Variants in ZNF257 observed in about 807,000 individuals in gnomAD.
The protein encoded by ZNF257 is zinc finger protein 257.
ZNF257 carries 12 observed loss-of-function variants against 11.9 expected under a neutral mutation model. That is an observed-to-expected ratio of 1.01 (90% CI 0.65 to 1.63). The LOEUF (loss-of-function observed/expected upper bound fraction) is 1.63. ZNF257 is among the 40% of genes most tolerant of loss of function. The pLI is 0.00. For missense variants in ZNF257, 580 were observed against 665.5 expected, an observed-to-expected ratio of 0.87 and a Z score of 1.41; for synonymous variants, 183 against 222.7, an observed-to-expected ratio of 0.82 and a Z score of 1.59.
chr19:22,060,652 A>AT (rs2021773795), intron 1 of ZNF257: 1 of 151,702 alleles, frequency 6.6e-6, no homozygotes, highest in East Asian at 1.9e-4. Context: ...CGCCCGGCTA[A>AT]TTTTTGTATT....
chr19:22,058,608 T>G (rs1028664061), intron 1 of ZNF257, among the ~76,000 whole-genome samples: 17 of 152,168 alleles, frequency 1.1e-4, no homozygotes, highest in African/African-American at 3.9e-4. Flanking sequence ...ACAGATTTGG[T>G]GCCAGAAGAA....
rs1236156383 is a variant in ZNF257, at chr19:22,072,911, A to G, written c.106A>G (p.Asn36Asp). Reference protein sequence around the residue: ...QNLYRDVMLENYRNLVFLGIA... With the variant: ...QNLYRDVMLEDYRNLVFLGIA... ...TTTATATAGGGATGTGATGTTAGAG[A>G]ACTACAGAAACCTGGTCTTCCTGGG... The change falls in exon 2 of 4, where the codon AAC (asparagine) becomes GAC (aspartate). Residue 36 changes from asparagine (N) to aspartate (D), a missense_variant. Coordinates refer to ENST00000594947, the MANE Select transcript of ZNF257 (RefSeq NM_033468.4). The G allele has an allele frequency of 1.2e-6, 2 of 1,613,058 alleles. No individual in the cohort carries two copies. The highest frequency in any genetic ancestry group is 1.7e-6 in the Non-Finnish European group (2 of 1,179,532).
chr19:22,065,063 A>C (rs913255259), intron 1 of ZNF257, among the ~76,000 whole-genome samples: 7 of 152,152 alleles, frequency 4.6e-5, no homozygotes, highest in Admixed American at 1.3e-4. Context: ...CAAAAAAAAA[A>C]AAAAGTATTT....
intron 1 of ZNF257, among the ~76,000 whole-genome samples, chr19:22,055,205 T>C (rs2021597231): frequency 6.6e-6 from 1 of 151,762 alleles, no homozygotes; most frequent in Non-Finnish European, 1.5e-5. Flanking sequence ...AAAGAAAAAA[T>C]AGTATTTTTT....
chr19:22,057,811 G>A (rs1176775912), intron 1 of ZNF257, among the ~76,000 whole-genome samples: 2 of 152,208 alleles, frequency 1.3e-5, no homozygotes, highest in African/African-American at 4.8e-5. Flanking sequence ...CCAGGCTGGA[G>A]TGCAATGGTG....
chr19:22,090,418 A>C lies in ZNF257; in HGVS notation c.*976A>C, dbSNP rs562822921. The C allele has an allele frequency of 6.6e-6, 1 of 152,278 alleles. No homozygotes were observed. The highest frequency in any genetic ancestry group is 6.5e-5 in the Admixed American group (1 of 15,294). 9.4% of individuals were successfully genotyped at this position (152,278 alleles called of 1,614,324 possible). ...GGAGAAGAATTCAGCAAGTGTGATT[A>C]ATTTGGAAAAACATTTTTTCCATAA... On this transcript the variant is annotated 3_prime_UTR_variant, in exon 4 of 4. Coordinates refer to ENST00000594947, the MANE Select transcript of ZNF257 (RefSeq NM_033468.4).
intron 1 of ZNF257, among the ~76,000 whole-genome samples, chr19:22,060,294 C>T (rs1405673458): frequency 6.6e-6 from 1 of 152,206 alleles, no homozygotes; most frequent in Non-Finnish European, 1.5e-5. Context: ...ATTCCTTTTA[C>T]AACCTTATCA....
chr19:22,088,917 A>G lies in ZNF257; in HGVS notation c.1167A>G (p.Lys389=). ...TTAACCGGTCTTCACACCTTACTAA[A>G]CATAAGAGAATTCATACTAGAGAGA... is the stretch of plus-strand genomic sequence containing the variant. ...KAFNRSSHLT[K]HKRIHTREKA... is the part of the protein sequence containing the mutation. Residue 389 remains lysine (K), a synonymous_variant, in exon 4 of 4, where the codon AAA becomes AAG. Coordinates refer to ENST00000594947, the MANE Select transcript of ZNF257 (RefSeq NM_033468.4). 6.2e-7 allele frequency: 1 copy of G among 1,612,724 alleles called. No homozygotes were observed.
At chr19:22,062,937 A>C (rs965194705) in intron 1 of ZNF257, among the ~76,000 whole-genome samples, 6 of 152,118 alleles carry the variant, frequency 3.9e-5, no homozygotes, top group African/African-American at 1.4e-4. Context: ...CTCTTTGTTC[A>C]TCTTAAAGAT....
chr19:22,053,110 C>G (rs1009214684), intron 1 of ZNF257, among the ~76,000 whole-genome samples: 1 of 152,140 alleles, frequency 6.6e-6, no homozygotes, highest in Non-Finnish European at 1.5e-5. Flanking sequence ...GTGGCACACG[C>G]CTGTAATCCC....
rs971585912 is a variant in ZNF257 at position 22,052,563 on chromosome 19, T to G, written c.-70T>G. ...CCTCTTCTCCTAGGGGCCCAGCCTC[T>G]GTGGCCCTGTGACCTGCAGGTATTG... On this transcript the variant is annotated 5_prime_UTR_variant, in exon 1 of 4. Transcript: ENST00000594947. The G allele has an allele frequency of 3.4e-5, 54 of 1,567,968 alleles. No individual in the cohort carries two copies. The African/African-American group carries it at 6.2e-4, about 18-fold the overall frequency.
intron 1 of ZNF257, among the ~76,000 whole-genome samples, chr19:22,071,972 T>C (rs971768663): frequency 3.9e-5 from 6 of 152,204 alleles, no homozygotes; most frequent in African/African-American, 1.2e-4. Flanking sequence ...TCTAGGGTGC[T>C]AAAGAAAGAC....
At chr19:22,086,852 C>T (rs1035445428) in intron 3 of ZNF257, among the ~76,000 whole-genome samples, 4 of 151,780 alleles carry the variant, frequency 2.6e-5, no homozygotes, top group East Asian at 1.9e-4. Flanking sequence ...TTGAGATTGT[C>T]TCGTCTGTGA....
chr19:22,062,720 G>T (rs564907788), intron 1 of ZNF257, among the ~76,000 whole-genome samples: 2 of 152,168 alleles, frequency 1.3e-5, no homozygotes, highest in East Asian at 3.9e-4. Flanking sequence ...GACCTCAGGT[G>T]AGCTGCCCGC....
chr19:22,091,412 A>G lies in ZNF257; in HGVS notation c.*1970A>G, dbSNP rs2022623304. ...GAGGCAGAGGTTGCAGTGAGCCAAG[A>G]TCACGACATTGCACTCCAGCCTAGG... On this transcript the variant is annotated 3_prime_UTR_variant, in exon 4 of 4. Coordinates refer to ENST00000594947, the MANE Select transcript of ZNF257 (RefSeq NM_033468.4). The G allele has an allele frequency of 6.8e-6, 1 of 147,516 alleles. No individual in the cohort carries two copies. The allele number at this position is 147,516 out of a possible 1,614,324, so 9.1% of individuals were successfully genotyped here. A position where few individuals can be genotyped will look rare whatever the true frequency, so the allele number is the denominator to read the frequency against.
At chr19:22,073,154 C>T (rs2022146059) in intron 2 of ZNF257, among the ~76,000 whole-genome samples, 1 of 151,828 alleles carries the variant, frequency 6.6e-6, no homozygotes, top group South Asian at 2.1e-4. Context: ...CTGAACTTTC[C>T]ACATTGCTGA....
At chr19:22,057,953 G>C (rs537910591) in intron 1 of ZNF257, among the ~76,000 whole-genome samples, 1 of 152,064 alleles carries the variant, frequency 6.6e-6, no homozygotes, top group African/African-American at 2.4e-5. Context: ...TAGAGACGGG[G>C]GTTTCACCAT....
intron 1 of ZNF257, among the ~76,000 whole-genome samples, chr19:22,058,374 C>T (rs55735642): frequency 0.23 from 34,726 of 151,822 alleles, 4,684 homozygotes; most frequent in South Asian, 0.44. Flanking sequence ...TTGTTAGTGG[C>T]TCTATCAAAT....
intron 1 of ZNF257, among the ~76,000 whole-genome samples, chr19:22,070,654 C>T (rs2022081583): frequency 6.6e-6 from 1 of 152,078 alleles, no homozygotes; most frequent in Non-Finnish European, 1.5e-5. Context: ...GAGTGGTTGT[C>T]TTCATTTGCC....
Sources: allele counts gnomAD v4.1 joint callset (sites outside exome capture counted in the v4.1 genomes callset), GRCh38; gene constraint gnomAD v4.1.1; transcripts MANE v1.5; gene names NCBI Gene and HGNC (gene_info 2026-07-23, HGNC 2026-07-21).